KIF11: variants seen among roughly 807,000 people sequenced by gnomAD.
The protein encoded by KIF11 is kinesin-like protein KIF11.
KIF11 carries 9 observed loss-of-function variants against 121.0 expected under a neutral mutation model. The observed-to-expected ratio is 0.07, with a 90% CI of 0.04 to 0.13. The LOEUF is 0.13. Among genes scored for constraint, KIF11 ranks in the 10% least tolerant of loss-of-function variants. KIF11 has a pLI of 1.00. For missense variants in KIF11, 846 were observed against 1,217.5 expected, an observed-to-expected ratio of 0.69 and a Z score of 4.54; for synonymous variants, 408 against 421.0, an observed-to-expected ratio of 0.97 and a Z score of 0.38.
chr10:92,635,974 T>C (rs1468044746), intron 14 of KIF11, among the ~76,000 whole-genome samples: 1 of 151,808 alleles, frequency 6.6e-6, no homozygotes, highest in East Asian at 1.9e-4. Flanking sequence ...TCCTCAGCCC[T>C]ATCCTACCAA....
chr10:92,595,619 C>T lies in KIF11; in HGVS notation c.77+2167C>T, dbSNP rs773434118. On this transcript the variant is annotated intron_variant, in intron 1 of 21. Transcript: ENST00000260731. ...AACATCTTAACCACTTTTAAGTGTACAGTTCAGTGATATTAAATACATAAT... is the reference window on the plus strand; with the variant it reads ...AACATCTTAACCACTTTTAAGTGTATAGTTCAGTGATATTAAATACATAAT... 9.9e-5 allele frequency among the ~76,000 whole-genome samples: 15 copies of T among 152,106 alleles called. 1 individual carries two copies. The highest frequency in any genetic ancestry group is 2.1e-4 in the Non-Finnish European group (14 of 68,036).
intron 17 of KIF11, among the ~76,000 whole-genome samples, chr10:92,643,717 C>G (rs1031441807): frequency 6.6e-6 from 1 of 151,804 alleles, no homozygotes; most frequent in Non-Finnish European, 1.5e-5. Context: ...CCACCATGCC[C>G]GGCTAATTTT....
At chr10:92,602,999 C>T (rs992774268) in intron 1 of KIF11, among the ~76,000 whole-genome samples, 5 of 151,496 alleles carry the variant, frequency 3.3e-5, no homozygotes, top group African/African-American at 4.8e-5. Context: ...GGATTACAGG[C>T]GCCTGCCACC....
chr10:92,632,841 T>C (rs1844754019), intron 13 of KIF11, 148 bp downstream of exon 13: 3 of 460,822 alleles, frequency 6.5e-6, no homozygotes, highest in Non-Finnish European at 1.1e-5. Context: ...TTAATGCTTT[T>C]ATTGTCTTTG....
rs758376022 is a variant in KIF11, at chr10:92,616,820, A to T, written c.1116A>T (p.Lys372Asn). ...KPEVNQKLTK[K>N]ALIKEYTEEI... ...AAGTGAATCAGAAACTCACCAAAAA[A>T]GCTCTTATTAAGGTAACTGTGAATT... The change falls in exon 9 of 22, where the codon AAA (lysine) becomes AAT (asparagine). Residue 372 changes from lysine (K) to asparagine (N), a missense_variant. By Grantham distance (94) the Lys-to-Asn change is moderately conservative. Coordinates refer to ENST00000260731, the MANE Select transcript of KIF11 (RefSeq NM_004523.4). The T allele has an allele frequency of 1.3e-6, 2 of 1,583,000 alleles. No homozygotes were observed. Among genetic ancestry groups the T allele is most frequent in the Non-Finnish European group, 1.7e-6 (2 of 1,157,840 alleles).
chr10:92,653,775 G>T lies in KIF11; in HGVS notation c.3150G>T (p.Leu1050=). 6.2e-7 allele frequency: 1 copy of T among 1,613,664 alleles called. No homozygotes were observed. Among genetic ancestry groups the T allele is most frequent in the Non-Finnish European group, 8.5e-7 (1 of 1,179,864 alleles). ...TGGTTACAAAGAGCAGATTACCTCTGCGAGCCCAGATCAACCTTTAATTCA... is the reference window on the plus strand; with the variant it reads ...TGGTTACAAAGAGCAGATTACCTCTTCGAGCCCAGATCAACCTTTAATTCA... ...EHLVTKSRLP[L]RAQINL Residue 1050 remains leucine (L), a synonymous_variant, in exon 22 of 22, where the codon CTG becomes CTT. Coordinates refer to ENST00000260731, the MANE Select transcript of KIF11 (RefSeq NM_004523.4).
chr10:92,603,433 A>C (rs1844397071), intron 1 of KIF11, among the ~76,000 whole-genome samples: 1 of 146,416 alleles, frequency 6.8e-6, no homozygotes, highest in African/African-American at 2.5e-5. Flanking sequence ...ATGGAGTCTC[A>C]CTCTTTCACC....
intron 13 of KIF11, 36 bp from the exon 14 acceptor site, chr10:92,633,587 T>G (rs760242006): frequency 6.9e-7 from 1 of 1,457,884 alleles, no homozygotes; most frequent in Non-Finnish European, 9.5e-7. Flanking sequence ...TATATTTATG[T>G]CAAAGTTTAC....
chr10:92,617,747 T>G (rs1472725322), intron 9 of KIF11, among the ~76,000 whole-genome samples: 1 of 109,112 alleles, frequency 9.2e-6, no homozygotes, highest in African/African-American at 6.9e-5. Flanking sequence ...TTTGTTTTTG[T>G]TTTTTTTTTT....
At chr10:92,602,820 A>C (rs992429061) in intron 1 of KIF11, among the ~76,000 whole-genome samples, 2 of 108,770 alleles carry the variant, frequency 1.8e-5, no homozygotes, top group African/African-American at 1.1e-4. Context: ...ACACACACAC[A>C]CACACGTGTG....
chr10:92,640,312 T>G (rs530767013), intron 17 of KIF11, among the ~76,000 whole-genome samples: 1 of 152,348 alleles, frequency 6.6e-6, no homozygotes, highest in South Asian at 2.1e-4. Flanking sequence ...TGGCTGCCTT[T>G]GCACTGCAGT....
At chr10:92,631,583 G>C (rs1396770102) in intron 12 of KIF11, among the ~76,000 whole-genome samples, 6 of 149,400 alleles carry the variant, frequency 4.0e-5, no homozygotes, top group African/African-American at 9.9e-5. Flanking sequence ...GGATGGTCTC[G>C]ATCTCCTGAC....
chr10:92,597,508 A>G (rs2135895034), intron 1 of KIF11, among the ~76,000 whole-genome samples: 1 of 151,674 alleles, frequency 6.6e-6, no homozygotes, highest in East Asian at 2.0e-4. Context: ...CAAGTGATCC[A>G]CCCATTTTGG....
At position 92,646,867 on chromosome 10, in the gene KIF11, T is replaced by C. The variant is rs141790535; in HGVS notation, c.2547+1225T>C. ...AGAACCATATCTTGGTTTAGCAGGGTAATGAAGAAAAGTGTTTCATTAGAC... is the reference window on the plus strand; with the variant it reads ...AGAACCATATCTTGGTTTAGCAGGGCAATGAAGAAAAGTGTTTCATTAGAC... On this transcript the variant is annotated intron_variant, in intron 18 of 21. Coordinates refer to ENST00000260731, the MANE Select transcript of KIF11 (RefSeq NM_004523.4). 1.2e-3 allele frequency among the ~76,000 whole-genome samples: 180 copies of C among 152,236 alleles called. 1 individual carries two copies. Among genetic ancestry groups the C allele is most frequent in the African/African-American group, 4.2e-3 (173 of 41,542 alleles).
chr10:92,650,542 C>T (rs752263385), intron 21 of KIF11, 25 bp downstream of exon 21: 1 of 1,195,662 alleles, frequency 8.4e-7, no homozygotes, highest in South Asian at 1.2e-5. Flanking sequence ...ATAACCCTTC[C>T]ACATCTGATG....
chr10:92,606,245 TTG>T lies in KIF11; in HGVS notation c.78-16_78-15del, dbSNP rs1258671901. On this transcript the variant is annotated intron_variant, in intron 1 of 21. Coordinates refer to ENST00000260731, the MANE Select transcript of KIF11 (RefSeq NM_004523.4). ...GAGAACTAAGAGCTCTTGAATGACT[TTG>T]TGTATTTCTTTTTATAGACCATTTA... The T allele has an allele frequency of 6.4e-7, 1 of 1,564,988 alleles. No individual in the cohort carries two copies. Among genetic ancestry groups the T allele is most frequent in the Non-Finnish European group, 8.6e-7 (1 of 1,162,112 alleles).
chr10:92,633,849 T>C (rs1448446786), intron 14 of KIF11, 54 bp downstream of exon 14: 2 of 1,169,820 alleles, frequency 1.7e-6, no homozygotes, highest in Admixed American at 4.4e-5. Flanking sequence ...AAGTATTTGA[T>C]AAAATATTTT....
In KIF11 at chr10:92,637,199, G is replaced by T; in HGVS notation, c.1891G>T (p.Asp631Tyr). The change falls in exon 15 of 22, where the codon GAT becomes TAT. Residue 631 changes from aspartate to tyrosine, a missense_variant. This residue lies in a region of KIF11 where 492 missense variants were observed against 603.4 expected (regional missense o/e 0.82). Transcript: ENST00000260731. The stretch of plus-strand genomic sequence containing the variant: ...CTGAAACCAGAATGTACTCAAGACT[G>T]ATCTTCTAAGTTCACTGGAAATGAT... ...LQELINVLKT[D>Y]LLSSLEMILS... 1 of 1,585,898 alleles carries T rather than the reference G, an allele frequency of 6.3e-7. No homozygotes were observed. Among genetic ancestry groups the T allele is most frequent in the Non-Finnish European group, 8.5e-7 (1 of 1,173,048 alleles).
chr10:92,650,787 A>G (rs1844971856), intron 21 of KIF11, among the ~76,000 whole-genome samples: 1 of 152,076 alleles, frequency 6.6e-6, no homozygotes, highest in Admixed American at 6.6e-5. Flanking sequence ...TGCTTGCTAT[A>G]TACTCAGACA....
Sources: gnomAD v4.1 joint callset for allele counts (sites outside exome capture counted in the v4.1 genomes callset) on GRCh38, gnomAD v4.1.1 for gene constraint, gnomAD v4.1.1 regional missense constraint, MANE v1.5 for transcripts, NCBI Gene and HGNC (gene_info 2026-07-23, HGNC 2026-07-21) for gene names.